Variants in CSMD1 observed in about 807,000 individuals in gnomAD.
CSMD1 encodes CUB and sushi domain-containing protein 1.
Under a neutral mutation model 417.5 loss-of-function variants are expected in CSMD1, and 213 were observed. The ratio of observed to expected loss-of-function variants is 0.51; its 90% CI spans 0.46 to 0.57. The LOEUF (loss-of-function observed/expected upper bound fraction) is 0.57. CSMD1 is among the 20% of genes least tolerant of loss of function. CSMD1 has a pLI of 0.00. For synonymous variants in CSMD1, 2,862 were observed against 1,736.8 expected, an observed-to-expected ratio of 1.65 and a Z score of -16.11; for missense variants, 6,923 against 4,529.7, an observed-to-expected ratio of 1.53 and a Z score of -15.17.
At chr8:3,159,271 C>T (rs1029641000) in intron 38 of CSMD1, among the ~76,000 whole-genome samples, 3 of 152,036 alleles carry the variant, frequency 2.0e-5, no homozygotes, top group Admixed American at 6.6e-5. Context: ...TAAACGTTTC[C>T]GATGAGCGAT....
chr8:4,321,638 A>G (rs1218963982), intron 3 of CSMD1, among the ~76,000 whole-genome samples: 3 of 152,296 alleles, frequency 2.0e-5, no homozygotes, highest in South Asian at 2.1e-4. Flanking sequence ...CTACCTCTGC[A>G]AAGTTTAATA....
chr8:3,785,691 T>G (rs775822337), intron 5 of CSMD1, among the ~76,000 whole-genome samples: 2 of 152,212 alleles, frequency 1.3e-5, no homozygotes, highest in South Asian at 4.2e-4. Flanking sequence ...GCTGTGTGCA[T>G]GGAGGAGCCA....
At chr8:3,439,280 A>AGTGT (rs1254139859) in intron 12 of CSMD1, among the ~76,000 whole-genome samples, 879 of 41,054 alleles carry the variant, frequency 0.021, 9 homozygotes, top group Admixed American at 0.024. Flanking sequence ...TGGCAATGTC[A>AGTGT]GTATATATAT....
intron 7 of CSMD1, among the ~76,000 whole-genome samples, chr8:3,625,560 A>C (rs1796451720): frequency 6.6e-6 from 1 of 152,194 alleles, no homozygotes; most frequent in Non-Finnish European, 1.5e-5. Context: ...CCATGGTCTT[A>C]AATCAAGCTC....
Position 3,090,191 on chromosome 8 carries a change from C to A in CSMD1, c.7285+1325G>T, listed in dbSNP as rs567781078. On this transcript the variant is annotated intron_variant, in intron 48 of 69. Coordinates refer to ENST00000635120, the MANE Select transcript of CSMD1 (RefSeq NM_033225.6). ...AATTAGCCGGGCGCGGTGGCGGGCG[C>A]CTGTAGTCCCAGCTACTCGGGAGGC... Among the ~76,000 whole-genome samples the A allele has an allele frequency of 6.6e-5, 10 of 152,040 alleles. No homozygotes were observed. In the East Asian group the frequency reaches 1.6e-3, roughly 24 times the overall value.
intron 10 of CSMD1, among the ~76,000 whole-genome samples, chr8:3,569,511 C>T (rs189226202): frequency 1.3e-5 from 2 of 152,248 alleles, no homozygotes; most frequent in African/African-American, 4.8e-5. Flanking sequence ...CTTTTCTGTC[C>T]TATCTTATTT....
intron 21 of CSMD1, among the ~76,000 whole-genome samples, chr8:3,349,383 C>T (rs1351108452): frequency 6.6e-6 from 1 of 152,086 alleles, no homozygotes; most frequent in Non-Finnish European, 1.5e-5. Flanking sequence ...TCCATGATTG[C>T]CCCCCAGTGA....
chr8:4,179,260 C>T (rs922122664), intron 3 of CSMD1, among the ~76,000 whole-genome samples: 1 of 152,072 alleles, frequency 6.6e-6, no homozygotes, highest in African/African-American at 2.4e-5. Flanking sequence ...ACAGAGCCCT[C>T]AGAAATAATG....
intron 2 of CSMD1, among the ~76,000 whole-genome samples, chr8:4,447,614 G>C (rs960972201): frequency 6.6e-6 from 1 of 152,166 alleles, no homozygotes; most frequent in African/African-American, 2.4e-5. Context: ...CTTCCCACTT[G>C]ACTAAGCTTG....
intron 2 of CSMD1, among the ~76,000 whole-genome samples, chr8:4,630,713 C>A (rs1284714508): frequency 6.6e-6 from 1 of 152,172 alleles, no homozygotes; most frequent in Admixed American, 6.5e-5. Flanking sequence ...CTGTCCACCT[C>A]TGGTGCCCTC....
At chr8:3,467,989 A>G (rs1271233455) in intron 12 of CSMD1, among the ~76,000 whole-genome samples, 1 of 152,232 alleles carries the variant, frequency 6.6e-6, no homozygotes, top group Non-Finnish European at 1.5e-5. Flanking sequence ...ACACATACAC[A>G]TCTATCGGTT....
intron 12 of CSMD1, among the ~76,000 whole-genome samples, chr8:3,421,946 G>A (rs918488317): frequency 3.3e-5 from 5 of 151,844 alleles, no homozygotes; most frequent in Admixed American, 6.6e-5. Flanking sequence ...CCCCACAGAT[G>A]GCTTAGAGTA....
intron 3 of CSMD1, among the ~76,000 whole-genome samples, chr8:4,055,562 G>C (rs1012682934): frequency 5.7e-5 from 8 of 140,732 alleles, no homozygotes; most frequent in African/African-American, 2.5e-4. Context: ...ATCATATAAA[G>C]AAGAAGAGTC....
intron 23 of CSMD1, among the ~76,000 whole-genome samples, chr8:3,317,131 G>C (rs569589885): frequency 1.4e-4 from 21 of 152,164 alleles, no homozygotes; most frequent in Non-Finnish European, 1.0e-4. Flanking sequence ...GCTCATGGGA[G>C]AGGTGAGGGA....
At chr8:4,505,279 T>C (rs1802459956) in intron 2 of CSMD1, among the ~76,000 whole-genome samples, 1 of 152,170 alleles carries the variant, frequency 6.6e-6, no homozygotes, top group Admixed American at 6.6e-5. Context: ...ATGTGTTCTT[T>C]AGAACAGAGG....
intron 3 of CSMD1, among the ~76,000 whole-genome samples, chr8:4,301,791 G>T (rs1011171304): frequency 2.6e-5 from 4 of 152,134 alleles, no homozygotes; most frequent in Non-Finnish European, 5.9e-5. Flanking sequence ...GTAAACTCTT[G>T]ATTTTGCCAG....
At chr8:3,548,177 C>A (rs1354432240) in intron 10 of CSMD1, among the ~76,000 whole-genome samples, 1 of 152,118 alleles carries the variant, frequency 6.6e-6, no homozygotes, top group African/African-American at 2.4e-5. Context: ...GGGGTTCCTG[C>A]AACCTAGGAT....
chr8:3,400,373 C>T (rs2116871555), intron 15 of CSMD1, among the ~76,000 whole-genome samples: 1 of 152,036 alleles, frequency 6.6e-6, no homozygotes, highest in Admixed American at 6.5e-5. Context: ...GTGAAAAAAT[C>T]CTTTTGGAAA....
chr8:3,617,447 G>T (rs532358699), intron 7 of CSMD1, among the ~76,000 whole-genome samples: 1 of 152,078 alleles, frequency 6.6e-6, no homozygotes, highest in Non-Finnish European at 1.5e-5. Context: ...TGTATAATTT[G>T]TCTAATCAAA....
Sources: gnomAD v4.1 joint callset for allele counts (sites outside exome capture counted in the v4.1 genomes callset) on GRCh38, gnomAD v4.1.1 for gene constraint, MANE v1.5 for transcripts, NCBI Gene and HGNC (gene_info 2026-07-23, HGNC 2026-07-21) for gene names.